PPP1R12C: variants seen among roughly 807,000 people sequenced by gnomAD.
PPP1R12C encodes protein phosphatase 1 regulatory subunit 12C, also known as leukocyte receptor cluster (LRC) encoded novel gene 3.
Under a neutral mutation model 95.6 loss-of-function variants are expected in PPP1R12C, and 48 were observed. That is an observed-to-expected ratio of 0.50 (90% CI 0.40 to 0.64). The LOEUF (loss-of-function observed/expected upper bound fraction) is 0.64. PPP1R12C is among the 30% of genes least tolerant of loss of function. The pLI, the probability that PPP1R12C is intolerant of heterozygous loss-of-function variation, is 0.00. For missense variants in PPP1R12C, 1,057 were observed against 1,083.3 expected (o/e 0.98, Z 0.34); for synonymous variants, 480 against 460.8 (o/e 1.04, Z -0.53).
intron 3 of PPP1R12C, among the ~76,000 whole-genome samples, chr19:55,105,260 T>G (rs887416072): frequency 6.6e-6 from 1 of 152,146 alleles, no homozygotes; most frequent in Non-Finnish European, 1.5e-5. Context: ...TTCAATCCTA[T>G]TATAGCCGAA....
chr19:55,112,978 C>A, intron 1 of PPP1R12C, 183 bp from the exon 2 acceptor site: 1 of 786,288 alleles, frequency 1.3e-6, no homozygotes. Flanking sequence ...GTGGTCAGGC[C>A]GGCCAGGCCT....
chr19:55,095,381 G>T (rs1290437146), intron 10 of PPP1R12C, 23 bp from the exon 11 acceptor site: 1 of 1,580,148 alleles, frequency 6.3e-7, no homozygotes, highest in South Asian at 1.2e-5. Flanking sequence ...GAGAAGGGGA[G>T]GAAGGGGCAG....
Position 55,113,545 on chromosome 19 carries a change from G to A in PPP1R12C, c.322-750C>T, listed in dbSNP as rs573898286. The A allele has an allele frequency of 2.5e-5, 34 of 1,361,772 alleles. No homozygotes were observed. In the African/African-American group the frequency reaches 3.2e-4, roughly 13 times the overall value. 84.4% of individuals were successfully genotyped at this position (1,361,772 alleles called of 1,614,324 possible). ...GACAAAAGCCGAAGTCCAGGGGGTCGGAGGAGGGACTTGCCCCAGGCCTTG... is the reference window on the plus strand; with the variant it reads ...GACAAAAGCCGAAGTCCAGGGGGTCAGAGGAGGGACTTGCCCCAGGCCTTG... On this transcript the variant is annotated intron_variant, in intron 1 of 21. Coordinates refer to ENST00000263433, the MANE Select transcript of PPP1R12C (RefSeq NM_017607.4).
chr19:55,103,346 G>A (rs1226385450), intron 4 of PPP1R12C, 63 bp downstream of exon 4: 5 of 1,337,696 alleles, frequency 3.7e-6, no homozygotes, highest in African/African-American at 1.5e-5. Flanking sequence ...AAAAAGAAAG[G>A]GAAAGGACAA....
At position 55,098,850 on chromosome 19, in the gene PPP1R12C, A is replaced by T. The variant is rs2084950864; in HGVS notation, c.885T>A (p.Arg295=). The change falls in exon 6 of 22, where the codon CGT becomes CGA. Residue 295 remains arginine (R), a synonymous_variant. Transcript: ENST00000263433. ...CTTCCTCATCGGCCAGGTCACAGGG[A>T]CGCTGCCCCTGGGTCAGGGGAGGAG... ...GMDSLTHAGQ[R]PCDLADEEVL... is the part of the protein sequence containing the mutation. 2 of 1,613,226 alleles carry T rather than the reference A, an allele frequency of 1.2e-6. No individual in the cohort carries two copies. The highest frequency in any genetic ancestry group is 2.7e-5 in the African/African-American group (2 of 74,936).
chr19:55,104,199 T>TATATATATATATATATACAC (rs34075382), intron 3 of PPP1R12C, among the ~76,000 whole-genome samples: 9 of 120,036 alleles, frequency 7.5e-5, no homozygotes, highest in African/African-American at 3.3e-4. Context: ...TATATATATA[T>TATATATATATATATATACAC]ACACACACAC....
intron 3 of PPP1R12C, among the ~76,000 whole-genome samples, chr19:55,111,142 T>TG (rs1199579017): frequency 2.9e-4 from 2 of 6,992 alleles, no homozygotes; most frequent in African/African-American, 5.9e-4. Context: ...CTTCGTGGGG[T>TG]GGGGGGGAGG....
At chr19:55,092,134 C>T (rs1026988424) in intron 19 of PPP1R12C, 88 bp downstream of exon 19, 3 of 1,282,362 alleles carry the variant, frequency 2.3e-6, no homozygotes, top group Admixed American at 2.2e-5. Flanking sequence ...CCCGCCGGCA[C>T]CCCCAGGCCA....
At position 55,112,521 on chromosome 19, in the gene PPP1R12C, G is replaced by C; in HGVS notation, c.517C>G (p.Leu173Val). ...CCCTCCATGGCGTCCGACTCGGCCAGGTCCAGGGGCAGGTCCCCGTCACTG... is the reference window on the plus strand; with the variant it reads ...CCCTCCATGGCGTCCGACTCGGCCACGTCCAGGGGCAGGTCCCCGTCACTG... ...VNSDGDLPLD[L>V]AESDAMEGLL... Residue 173 changes from leucine (L) to valine (V), a missense_variant, in exon 3 of 22, where the codon CTG becomes GTG. By Grantham distance (32) the Leu-to-Val change is conservative. Transcript: ENST00000263433. 9 of 1,613,534 alleles carry C rather than the reference G, an allele frequency of 5.6e-6. No homozygotes were observed. The highest frequency in any genetic ancestry group is 7.6e-6 in the Non-Finnish European group (9 of 1,179,834).
At chr19:55,098,482 G>A (rs939052029) in intron 6 of PPP1R12C, among the ~76,000 whole-genome samples, 4 of 152,214 alleles carry the variant, frequency 2.6e-5, no homozygotes, top group African/African-American at 9.6e-5. Flanking sequence ...CTGCTGCCAA[G>A]GGCCACCCTG....
intron 3 of PPP1R12C, among the ~76,000 whole-genome samples, chr19:55,107,051 C>T (rs551571060): frequency 6.6e-5 from 10 of 152,114 alleles, no homozygotes; most frequent in Admixed American, 6.6e-4. Flanking sequence ...TTCACTTGTG[C>T]CCCTGGATCA....
At position 55,098,792 on chromosome 19, in the gene PPP1R12C, G is replaced by C. The variant is rs780116569; in HGVS notation, c.943C>G (p.Gln315Glu). 2 of 1,613,554 alleles carry C rather than the reference G, an allele frequency of 1.2e-6. No individual in the cohort carries two copies. Among genetic ancestry groups the C allele is most frequent in the Non-Finnish European group, 1.7e-6 (2 of 1,180,006 alleles). The change falls in exon 6 of 22, where the codon CAG becomes GAG. Residue 315 changes from glutamine (Q) to glutamate (E), a missense_variant. Physicochemically the swap from Gln to Glu is conservative, Grantham distance 29 (BLOSUM62 2). This residue lies in a region of PPP1R12C where 356 missense variants were observed against 330.5 expected (regional missense o/e 1.08). Transcript: ENST00000263433. Reference protein sequence around the residue: ...LSLLEELARKQEDLRNQKEAS... With the variant: ...LSLLEELARKEEDLRNQKEAS... ...TCAGCCCTGACACTCACGTCCTCCT[G>C]TTTCCGGGCCAGTTCCTCCAACAGG...
chr19:55,098,106 G>A (rs1018950167), intron 6 of PPP1R12C, among the ~76,000 whole-genome samples: 1 of 152,204 alleles, frequency 6.6e-6, no homozygotes, highest in Non-Finnish European at 1.5e-5. Flanking sequence ...CCTGGCCTTG[G>A]GAGCTTCCTG....
rs1462199857 is a variant in PPP1R12C, at chr19:55,098,901, T to TG, written c.877-44dup. The TG allele has an allele frequency of 4.3e-6, 7 of 1,611,402 alleles. No homozygotes were observed. In the African/African-American group the frequency reaches 8.0e-5, roughly 18 times the overall value. The stretch of plus-strand genomic sequence containing the variant: ...CAGGATCAGACAATGAAGGAGGTGC[T>TG]GGGCCCTCCCCACGCCCTGCCCCTC... On this transcript the variant is annotated intron_variant, in intron 5 of 21. Transcript: ENST00000263433.
Position 55,092,217 on chromosome 19 carries a change from C to T in PPP1R12C, c.2160+5G>A, listed in dbSNP as rs1431010052. 1.3e-6 allele frequency: 2 copies of T among 1,566,646 alleles called. No individual in the cohort carries two copies. The highest frequency in any genetic ancestry group is 2.7e-5 in the African/African-American group (2 of 73,844). The stretch of plus-strand genomic sequence containing the variant: ...TTCCCGTGACCCTGGCCTCGGCGCC[C>T]TTACCTGCGTGGCCCGCTCCAGCTC... On this transcript the variant is annotated splice_donor_5th_base_variant and intron_variant, in intron 19 of 21. Coordinates refer to ENST00000263433, the MANE Select transcript of PPP1R12C (RefSeq NM_017607.4).
chr19:55,117,171 C>T, intron 1 of PPP1R12C, 52 bp downstream of exon 1: 1 of 1,199,482 alleles, frequency 8.3e-7, no homozygotes, highest in Non-Finnish European at 1.0e-6. Context: ...CCCCAGGTGG[C>T]GCAGCAGAGG....
At chr19:55,092,930 C>G in intron 15 of PPP1R12C, 62 bp from the exon 16 acceptor site, 8 of 1,583,256 alleles carry the variant, frequency 5.1e-6, no homozygotes, top group Non-Finnish European at 6.9e-6. Flanking sequence ...GCCTGGGTCC[C>G]CGGGTCAAGC....
intron 4 of PPP1R12C, 105 bp downstream of exon 4, chr19:55,103,304 A>G: frequency 8.7e-7 from 1 of 1,148,230 alleles, no homozygotes; most frequent in Middle Eastern, 2.2e-4. Flanking sequence ...CTGTATTTAG[A>G]GGGAAATACA....
In PPP1R12C at chr19:55,117,511, C is replaced by A. The variant is rs1449049239; in HGVS notation, c.33G>T (p.Pro11=). 9.7e-7 allele frequency: 1 copy of A among 1,026,584 alleles called. No individual in the cohort carries two copies. Among genetic ancestry groups the A allele is most frequent in the Non-Finnish European group, 1.2e-6 (1 of 857,090 alleles). 63.6% of individuals were successfully genotyped at this position (1,026,584 alleles called of 1,614,324 possible). A position where few individuals can be genotyped will look rare whatever the true frequency, so the allele number is the denominator to read the frequency against. ...CCCGGGCAGCCGCCGCCGCCGCCCC[C>A]GGGCCAGCCGCCGGGCCATCCTCTC... MSGEDGPAAG[P]GAAAAAARER... The change falls in exon 1 of 22, where the codon CCG becomes CCT. Residue 11 remains proline, a synonymous_variant. Coordinates refer to ENST00000263433, the MANE Select transcript of PPP1R12C (RefSeq NM_017607.4).
Sources: gnomAD v4.1 joint callset for allele counts (sites outside exome capture counted in the v4.1 genomes callset) on GRCh38, gnomAD v4.1.1 for gene constraint, gnomAD v4.1.1 regional missense constraint, MANE v1.5 for transcripts, NCBI Gene and HGNC (gene_info 2026-07-23, HGNC 2026-07-21) for gene names.